Variants in PCDHA2 observed in about 807,000 individuals in gnomAD.
PCDHA2 encodes protocadherin alpha 2.
PCDHA2 carries 58 observed loss-of-function variants against 66.0 expected under a neutral mutation model. That is an observed-to-expected ratio of 0.88 (90% CI 0.71 to 1.09). The LOEUF is 1.09. Ranked by LOEUF, PCDHA2 falls within the 50% of genes least tolerant of loss-of-function variation. The pLI is 0.00. For missense variants in PCDHA2, 1,267 were observed against 1,242.3 expected, an observed-to-expected ratio of 1.02 and a Z score of -0.30; for synonymous variants, 634 against 554.0, an observed-to-expected ratio of 1.14 and a Z score of -2.03.
In PCDHA2 at chr5:140,869,025, C is replaced by A. The variant is rs1424812323; in HGVS notation, c.2388+71673C>A. 7 of 1,525,592 alleles carry A rather than the reference C, an allele frequency of 4.6e-6. No homozygotes were observed. In the East Asian group the frequency reaches 1.4e-4, roughly 30 times the overall value. The allele number at this position is 1,525,592 out of a possible 1,614,324, so 94.5% of individuals were successfully genotyped here. ...CCTTTGAAACTTCTTAAGAATTCAA[C>A]GAGATTTTTAACCTGAAACTGAAGA... On this transcript the variant is annotated intron_variant, in intron 1 of 3. Transcript: ENST00000526136.
intron 1 of PCDHA2, among the ~76,000 whole-genome samples, chr5:140,917,252 C>T (rs536856521): frequency 3.2e-4 from 47 of 149,018 alleles, no homozygotes; most frequent in Non-Finnish European, 4.9e-4. Flanking sequence ...TACGATTGCT[C>T]ACCTGATGTT....
intron 1 of PCDHA2, among the ~76,000 whole-genome samples, chr5:140,941,150 G>A (rs894422349): frequency 1.1e-4 from 17 of 151,436 alleles, no homozygotes; most frequent in Non-Finnish European, 1.8e-4. Context: ...TAGTTTGGAG[G>A]CCCCATAAGA....
chr5:140,813,354 T>C (rs2126645911), intron 1 of PCDHA2: 1 of 152,328 alleles, frequency 6.6e-6, no homozygotes, highest in Non-Finnish European at 1.5e-5. Flanking sequence ...CTAGATAGTA[T>C]AGCCTACTAC....
rs146745311 is a variant in PCDHA2 at position 140,842,835 on chromosome 5, C to G, written c.2388+45483C>G. 9.4e-6 allele frequency: 15 copies of G among 1,593,736 alleles called. 3 individuals are homozygous for G. The African/African-American group carries it at 1.6e-4, about 17-fold the overall frequency. Reference sequence around the variant, plus strand: ...CGGCGGGTGGGCGAGCGCTCGCTGTCGAGCTACATTTCGGTGCACACGGAG... The same window carrying G: ...CGGCGGGTGGGCGAGCGCTCGCTGTGGAGCTACATTTCGGTGCACACGGAG... On this transcript the variant is annotated intron_variant, in intron 1 of 3. Transcript: ENST00000526136.
At chr5:140,936,863 A>G (rs1177234152) in intron 1 of PCDHA2, among the ~76,000 whole-genome samples, 1 of 152,120 alleles carries the variant, frequency 6.6e-6, no homozygotes, top group East Asian at 1.9e-4. Context: ...CTCAGTTTCT[A>G]TTTTAAAAAA....
chr5:140,847,838 T>G (rs1182373979), intron 1 of PCDHA2: 1 of 149,830 alleles, frequency 6.7e-6, no homozygotes, highest in African/African-American at 2.4e-5. Flanking sequence ...CTACCTCAGT[T>G]GGTTGCTACT....
At chr5:140,808,268 G>C in intron 1 of PCDHA2, 1 of 1,614,250 alleles carries the variant, frequency 6.2e-7, no homozygotes, top group Non-Finnish European at 8.5e-7. Flanking sequence ...TCCAATTAGA[G>C]AGGACGCTCC....
intron 1 of PCDHA2, among the ~76,000 whole-genome samples, chr5:140,839,743 T>C (rs2150300619): frequency 0.58 from 88,357 of 151,822 alleles, 26,802 homozygotes; most frequent in African/African-American, 0.73. Flanking sequence ...TACCCTTATT[T>C]GCCTTTCCTA....
chr5:140,934,580 T>C lies in PCDHA2; in HGVS notation c.2389-44369T>C, dbSNP rs531235009. 3.9e-5 allele frequency among the ~76,000 whole-genome samples: 6 copies of C among 152,296 alleles called. No individual in the cohort carries two copies. In the East Asian group the frequency reaches 1.2e-3, roughly 29 times the overall value. On this transcript the variant is annotated intron_variant, in intron 1 of 3. Transcript: ENST00000526136. ...CTTTTTTTTAATTAATTGTAACATT[T>C]CTGTAATGGGTCTTCAACTATTTGA...
rs548429892 is a variant in PCDHA2 at position 140,891,971 on chromosome 5, G to A, written c.2389-86978G>A. Among the ~76,000 whole-genome samples the A allele has an allele frequency of 9.9e-5, 15 of 152,232 alleles. No homozygotes were observed. In the South Asian group the frequency reaches 1.9e-3, roughly 19 times the overall value. On this transcript the variant is annotated intron_variant, in intron 1 of 3. Transcript: ENST00000526136. ...CCAGAATTGTGAGAAGTAAATTTCC[G>A]TTCTCATAAATTACTCAGTCTGTGG...
intron 1 of PCDHA2, among the ~76,000 whole-genome samples, chr5:140,937,106 C>G (rs2091337574): frequency 6.7e-6 from 1 of 149,110 alleles, no homozygotes; most frequent in African/African-American, 2.5e-5. Context: ...GGCGCAGTCT[C>G]GGCTCACTGC....
chr5:140,837,523 T>G (rs1775100881), intron 1 of PCDHA2, among the ~76,000 whole-genome samples: 1 of 151,982 alleles, frequency 6.6e-6, no homozygotes. Flanking sequence ...TTACTTTTTT[T>G]GTATATTCCC....
At position 140,801,964 on chromosome 5, in the gene PCDHA2, C is replaced by G. The variant is rs145878786; in HGVS notation, c.2388+4612C>G. 3.7e-6 allele frequency: 6 copies of G among 1,614,034 alleles called. No homozygotes were observed. In the African/African-American group the frequency reaches 8.0e-5, roughly 22 times the overall value. The stretch of plus-strand genomic sequence containing the variant: ...AAAGTCAGATTACTCGAAAATGCAC[C>G]AAATGGTACCCTAGTGGTGACCGTT... On this transcript the variant is annotated intron_variant, in intron 1 of 3. Transcript: ENST00000526136.
intron 1 of PCDHA2, among the ~76,000 whole-genome samples, chr5:140,924,871 G>C: frequency 6.7e-6 from 1 of 149,164 alleles, no homozygotes; most frequent in Non-Finnish European, 1.5e-5. Flanking sequence ...CTCCAGCCTG[G>C]GTGACAGAGC....
chr5:140,946,327 G>C (rs2093929992), intron 1 of PCDHA2, among the ~76,000 whole-genome samples: 2 of 151,720 alleles, frequency 1.3e-5, no homozygotes, highest in Non-Finnish European at 3.0e-5. Flanking sequence ...AAAGAGGAAA[G>C]ATAACAAGTG....
At chr5:140,865,937 T>C (rs529378074) in intron 1 of PCDHA2, 1 of 152,212 alleles carries the variant, frequency 6.6e-6, no homozygotes, top group Admixed American at 6.5e-5. Context: ...AGAAACTTCA[T>C]GATTGTCTTC....
intron 3 of PCDHA2, among the ~76,000 whole-genome samples, chr5:141,005,656 C>T (rs1004583867): frequency 1.5e-4 from 20 of 136,082 alleles, no homozygotes; most frequent in Non-Finnish European, 2.5e-4. Context: ...GAGTCGAGAT[C>T]GCGCCACTGC....
chr5:140,861,729 C>T (rs947423551), intron 1 of PCDHA2: 5 of 192,220 alleles, frequency 2.6e-5, no homozygotes, highest in Non-Finnish European at 5.3e-5. Context: ...GCTCTGATGA[C>T]TTACATACTG....
intron 1 of PCDHA2, among the ~76,000 whole-genome samples, chr5:140,952,123 C>T (rs1182943342): frequency 6.6e-6 from 1 of 152,056 alleles, no homozygotes; most frequent in Non-Finnish European, 1.5e-5. Context: ...GATGGGCTCC[C>T]AAGGCCTTGG....
Sources: allele counts gnomAD v4.1 joint callset (sites outside exome capture counted in the v4.1 genomes callset), GRCh38; gene constraint gnomAD v4.1.1; transcripts MANE v1.5; gene names NCBI Gene and HGNC (gene_info 2026-07-23, HGNC 2026-07-21).